Variants in MLLT3 observed in about 807,000 individuals in gnomAD.
MLLT3 encodes MLLT3 super elongation complex subunit, also known as protein AF-9.
A neutral mutation model predicts 53.2 loss-of-function variants in MLLT3; 4 were observed. The ratio of observed to expected loss-of-function variants is 0.08; its 90% CI spans 0.04 to 0.17. The LOEUF (loss-of-function observed/expected upper bound fraction) is 0.17. Among genes scored for constraint, MLLT3 ranks in the 10% least tolerant of loss-of-function variants. The pLI, the probability that MLLT3 is intolerant of heterozygous loss-of-function variation, is 1.00. For synonymous variants in MLLT3, 283 were observed against 230.6 expected (o/e 1.23, Z -2.06); for missense variants, 569 against 684.0 (o/e 0.83, Z 1.87).
chr9:20,451,738 A>G (rs957442310), intron 3 of MLLT3, among the ~76,000 whole-genome samples: 1 of 152,182 alleles, frequency 6.6e-6, no homozygotes, highest in Non-Finnish European at 1.5e-5. Context: ...GGCAATATCA[A>G]GTTACCCTCT....
At chr9:20,417,226 C>G (rs893588845) in intron 4 of MLLT3, among the ~76,000 whole-genome samples, 1 of 145,532 alleles carries the variant, frequency 6.9e-6, no homozygotes, top group African/African-American at 2.5e-5. Flanking sequence ...GGTCTTGTCA[C>G]CAGTCTCCAT....
At chr9:20,586,256 G>C (rs1162192646) in intron 2 of MLLT3, among the ~76,000 whole-genome samples, 1 of 152,020 alleles carries the variant, frequency 6.6e-6, no homozygotes. Flanking sequence ...GATGGTCAAG[G>C]CTGCAGTGAA....
At chr9:20,570,383 C>A (rs191112829) in intron 2 of MLLT3, among the ~76,000 whole-genome samples, 78 of 152,252 alleles carry the variant, frequency 5.1e-4, no homozygotes, top group Admixed American at 2.7e-3. Context: ...CAAGGTTATT[C>A]ACTAACACTT....
At chr9:20,586,901 CTTTAT>C (rs899304336) in intron 2 of MLLT3, among the ~76,000 whole-genome samples, 25 of 152,150 alleles carry the variant, frequency 1.6e-4, no homozygotes, top group South Asian at 1.0e-3. Context: ...CTGCTACATC[CTTTAT>C]TTTGTTTTTT....
chr9:20,499,072 T>C (rs916373065), intron 2 of MLLT3, among the ~76,000 whole-genome samples: 1 of 152,192 alleles, frequency 6.6e-6, no homozygotes, highest in Non-Finnish European at 1.5e-5. Context: ...TTGCTGGCAA[T>C]CTTTGAAATG....
At chr9:20,586,545 CCTG>C (rs1434289350) in intron 2 of MLLT3, among the ~76,000 whole-genome samples, 1 of 152,068 alleles carries the variant, frequency 6.6e-6, no homozygotes, top group East Asian at 1.9e-4. Context: ...GTTCAACTAA[CCTG>C]CTGAAAAAGA....
At chr9:20,380,160 T>C (rs1397594586) in intron 5 of MLLT3, 1 of 152,032 alleles carries the variant, frequency 6.6e-6, no homozygotes, top group Non-Finnish European at 1.5e-5. Context: ...CACTGGTTAC[T>C]AATCACTAAA....
intron 5 of MLLT3, among the ~76,000 whole-genome samples, chr9:20,370,975 C>T (rs756769710): frequency 4.6e-5 from 7 of 152,166 alleles, no homozygotes; most frequent in Non-Finnish European, 7.3e-5. Flanking sequence ...CTCCAGTGAA[C>T]TCATGAATGA....
At chr9:20,477,110 G>T (rs1485135172) in intron 2 of MLLT3, among the ~76,000 whole-genome samples, 1 of 151,818 alleles carries the variant, frequency 6.6e-6, no homozygotes, top group Non-Finnish European at 1.5e-5. Context: ...GATGAATGTC[G>T]GAGGGATTCC....
chr9:20,445,684 TAGCC>T (rs1823676546), intron 4 of MLLT3, among the ~76,000 whole-genome samples: 6 of 152,146 alleles, frequency 3.9e-5, no homozygotes, highest in Non-Finnish European at 8.8e-5. Context: ...GAAGGAACCA[TAGCC>T]AAACACTAAG....
intron 4 of MLLT3, among the ~76,000 whole-genome samples, chr9:20,433,429 G>A (rs1379895871): frequency 1.8e-4 from 27 of 151,982 alleles, no homozygotes; most frequent in Non-Finnish European, 8.8e-5. Context: ...AGGAAAAATG[G>A]GATATTTACA....
At position 20,344,508 on chromosome 9, in the gene MLLT3, C is replaced by CA. The variant is rs1820817032; in HGVS notation, c.*1934dup. 4.6e-6 allele frequency: 1 copy of CA among 219,390 alleles called. No individual in the cohort carries two copies. The highest frequency in any genetic ancestry group is 2.2e-5 in the African/African-American group (1 of 44,714). 13.6% of individuals were successfully genotyped at this position (219,390 alleles called of 1,614,324 possible). A position where few individuals can be genotyped will look rare whatever the true frequency, so the allele number is the denominator to read the frequency against. The stretch of plus-strand genomic sequence containing the variant: ...CAATCACCTAATGTCCAAAATGACT[C>CA]AAAGTTTCTCTGCACATCAAGAAGT... On this transcript the variant is annotated 3_prime_UTR_variant, in exon 11 of 11. Coordinates refer to ENST00000380338, the MANE Select transcript of MLLT3 (RefSeq NM_004529.4).
chr9:20,523,622 T>C (rs917765331), intron 2 of MLLT3, among the ~76,000 whole-genome samples: 4 of 152,178 alleles, frequency 2.6e-5, no homozygotes, highest in African/African-American at 9.7e-5. Context: ...AGACTACATC[T>C]GTATGATTCC....
chr9:20,488,499 TA>T, intron 2 of MLLT3, among the ~76,000 whole-genome samples: 1 of 152,276 alleles, frequency 6.6e-6, no homozygotes, highest in Admixed American at 6.5e-5. Context: ...AGACTTTAAA[TA>T]AAGAGTGCGA....
chr9:20,447,628 T>C (rs1051788982), intron 4 of MLLT3, among the ~76,000 whole-genome samples: 6 of 152,216 alleles, frequency 3.9e-5, no homozygotes, highest in African/African-American at 1.4e-4. Context: ...ATCCATCTTT[T>C]ATCAACATAA....
chr9:20,427,476 C>T (rs563511302), intron 4 of MLLT3, among the ~76,000 whole-genome samples: 1 of 151,634 alleles, frequency 6.6e-6, no homozygotes, highest in Middle Eastern at 3.4e-3. Flanking sequence ...ACATGGAGAA[C>T]AGAATAAAAA....
At chr9:20,548,885 A>G (rs1818855980) in intron 2 of MLLT3, among the ~76,000 whole-genome samples, 2 of 151,608 alleles carry the variant, frequency 1.3e-5, no homozygotes, top group Non-Finnish European at 2.9e-5. Context: ...CAGTGGCACC[A>G]TCACTGCATC....
At chr9:20,480,479 G>A (rs1222085651) in intron 2 of MLLT3, among the ~76,000 whole-genome samples, 4 of 152,162 alleles carry the variant, frequency 2.6e-5, no homozygotes, top group Non-Finnish European at 4.4e-5. Context: ...ATTTCCATAT[G>A]CAAACTCAAC....
intron 2 of MLLT3, among the ~76,000 whole-genome samples, chr9:20,616,336 A>AT (rs1481242028): frequency 6.6e-6 from 1 of 152,172 alleles, no homozygotes; most frequent in African/African-American, 2.4e-5. Context: ...TCTACCCAAG[A>AT]TATTAAAGAT....
Sources: allele counts gnomAD v4.1 joint callset (sites outside exome capture counted in the v4.1 genomes callset), GRCh38; gene constraint gnomAD v4.1.1; transcripts MANE v1.5; gene names NCBI Gene and HGNC (gene_info 2026-07-23, HGNC 2026-07-21).